The following RPS6KA2 variants were observed in gnomAD, a reference collection of about 807,000 sequenced individuals.
RPS6KA2 encodes the protein ribosomal protein S6 kinase alpha-2.
A neutral mutation model predicts 91.8 loss-of-function variants in RPS6KA2; 42 were observed. That is an observed-to-expected ratio of 0.46 (90% confidence interval 0.36 to 0.59). The LOEUF (loss-of-function observed/expected upper bound fraction) is 0.59. Ranked by LOEUF, RPS6KA2 falls within the 20% of genes least tolerant of loss-of-function variation. RPS6KA2 has a pLI of 0.00. For missense variants in RPS6KA2, 798 were observed against 978.5 expected (o/e 0.82, Z 2.46); for synonymous variants, 414 against 393.6 (o/e 1.05, Z -0.61).
At chr6:166,496,100 T>C (rs1487273844) in intron 8 of RPS6KA2, among the ~76,000 whole-genome samples, 2 of 152,206 alleles carry the variant, frequency 1.3e-5, no homozygotes, top group African/African-American at 4.8e-5. Context: ...CCTGCAACCC[T>C]AGCACTTCTG....
intron 2 of RPS6KA2, among the ~76,000 whole-genome samples, chr6:166,744,043 C>G (rs1182764262): frequency 1.3e-5 from 2 of 152,146 alleles, no homozygotes; most frequent in East Asian, 1.9e-4. Context: ...TGAGCCATCC[C>G]ACCCGTGTCT....
intron 1 of RPS6KA2, among the ~76,000 whole-genome samples, chr6:166,541,000 C>G (rs1407835050): frequency 1.3e-5 from 2 of 152,152 alleles, no homozygotes; most frequent in Non-Finnish European, 2.9e-5. Context: ...CAAAATACTC[C>G]TCTTCTGTTA....
At chr6:166,460,960 C>T (rs1018559249) in intron 11 of RPS6KA2, 1 of 152,226 alleles carries the variant, frequency 6.6e-6, no homozygotes, top group Non-Finnish European at 1.5e-5. Context: ...CGTCTGACAT[C>T]TGGGTCCCAC....
chr6:166,748,532 C>G (rs199984820), intron 2 of RPS6KA2, among the ~76,000 whole-genome samples: 5 of 147,560 alleles, frequency 3.4e-5, no homozygotes, highest in African/African-American at 1.3e-4. Flanking sequence ...CCCACCTCCT[C>G]GGGCCCCCCA....
intron 1 of RPS6KA2, chr6:166,586,439 C>G: frequency 6.3e-7 from 1 of 1,599,866 alleles, no homozygotes; most frequent in Non-Finnish European, 8.5e-7. Context: ...TAGCAAACAT[C>G]TCTTCAAAAT....
At chr6:166,560,354 C>A (rs75564524) in intron 1 of RPS6KA2, among the ~76,000 whole-genome samples, 2 of 152,178 alleles carry the variant, frequency 1.3e-5, no homozygotes, top group African/African-American at 4.8e-5. Context: ...TTAACAAGTA[C>A]CTTGCAATAC....
rs543308000 is a variant in RPS6KA2 at position 166,412,921 on chromosome 6, C to T, written c.2077-34G>A. 2.4e-5 allele frequency: 36 copies of T among 1,531,572 alleles called. No homozygotes were observed. The African/African-American group carries it at 4.5e-4, about 19-fold the overall frequency. The allele number at this position is 1,531,572 out of a possible 1,614,324, so 94.9% of individuals were successfully genotyped here. A position where few individuals can be genotyped will look rare whatever the true frequency, so the allele number is the denominator to read the frequency against. On this transcript the variant is annotated intron_variant, in intron 20 of 20. Coordinates refer to ENST00000265678, the MANE Select transcript of RPS6KA2 (RefSeq NM_021135.6). The surrounding 1 kb of genome is among the most constrained non-coding windows in gnomAD (Gnocchi z 4.3). The stretch of plus-strand genomic sequence containing the variant: ...CAGAAGACAAGGGTGAGAGCCGCGG[C>T]GCCTCACTCCAGGGGTTGAGCCGGA...
intron 2 of RPS6KA2, among the ~76,000 whole-genome samples, chr6:166,672,610 A>T (rs925177108): frequency 6.6e-6 from 1 of 152,224 alleles, no homozygotes; most frequent in African/African-American, 2.4e-5. Flanking sequence ...CAAAATAGTA[A>T]GAAAAAAATG....
At position 166,448,723 on chromosome 6, in the gene RPS6KA2, C is replaced by T; in HGVS notation, c.1332+1G>A. 6.2e-7 allele frequency: 1 copy of T among 1,609,914 alleles called. No homozygotes were observed. Among genetic ancestry groups the T allele is most frequent in the South Asian group, 1.1e-5 (1 of 90,404 alleles). On this transcript the variant is annotated splice_donor_variant, in intron 14 of 20. Coordinates refer to ENST00000265678, the MANE Select transcript of RPS6KA2 (RefSeq NM_021135.6). LOFTEE classifies it high-confidence loss of function. This position sits in a 1 kb window ranked among gnomAD's most constrained non-coding sequence, Gnocchi z 4.7. The stretch of plus-strand genomic sequence containing the variant: ...CTGCTCACTCAGCAGGCCTGCCTTA[C>T]CTTCACGGCATACTCGGTGTCTGTG...
Position 166,490,845 on chromosome 6 carries a change from T to C in RPS6KA2, c.748-104A>G. 1 of 800,892 alleles carries C rather than the reference T, an allele frequency of 1.2e-6. No individual in the cohort carries two copies. The highest frequency in any genetic ancestry group is 2.4e-5 in the Admixed American group (1 of 42,092). 49.6% of individuals were successfully genotyped at this position (800,892 alleles called of 1,614,324 possible). On this transcript the variant is annotated intron_variant, in intron 8 of 20. Coordinates refer to ENST00000265678, the MANE Select transcript of RPS6KA2 (RefSeq NM_021135.6). The surrounding 1 kb of genome is among the most constrained non-coding windows in gnomAD (Gnocchi z 4.2). ...GCCTGCTACCGTGTCCATTTCCTCATGCAAAATCTCCATCAGTCAATTGTA... is the reference window on the plus strand; with the variant it reads ...GCCTGCTACCGTGTCCATTTCCTCACGCAAAATCTCCATCAGTCAATTGTA...
intron 2 of RPS6KA2, among the ~76,000 whole-genome samples, chr6:166,804,674 T>A (rs901992564): frequency 1.3e-5 from 2 of 152,132 alleles, no homozygotes; most frequent in African/African-American, 4.8e-5. Flanking sequence ...ATATCTCTTA[T>A]TGTTTTGTCC....
At chr6:166,743,825 C>G (rs144679420) in intron 2 of RPS6KA2, among the ~76,000 whole-genome samples, 5,554 of 150,700 alleles carry the variant, frequency 0.037, 352 homozygotes, top group African/African-American at 0.13. Context: ...GGCTGGTGGT[C>G]AGTGCACGGC....
chr6:166,430,602 C>T lies in RPS6KA2; in HGVS notation c.1432G>A (p.Asp478Asn). 2 of 1,612,896 alleles carry T rather than the reference C, an allele frequency of 1.2e-6. No individual in the cohort carries two copies. The highest frequency in any genetic ancestry group is 2.2e-5 in the South Asian group (2 of 90,938). Residue 478 changes from aspartate (D) to asparagine (N), a missense_variant, in exon 16 of 21, where the codon GAT becomes AAT. Transcript: ENST00000265678. ...ATTACCAGGTACACAAACTTGCCAT[C>T]ATCATAGACCTGCGGAGTGGAGAAG... is the stretch of plus-strand genomic sequence containing the variant. ...NIITLKDVYDDGKFVYLVMEL... is the reference protein window; with the variant it reads ...NIITLKDVYDNGKFVYLVMEL...
chr6:166,673,786 G>A (rs1455629870), intron 2 of RPS6KA2, among the ~76,000 whole-genome samples: 1 of 152,180 alleles, frequency 6.6e-6, no homozygotes, highest in Non-Finnish European at 1.5e-5. Context: ...GTGTGGCCCA[G>A]AGAACCCAAA....
At chr6:166,831,615 C>A (rs1780184270) in intron 2 of RPS6KA2, among the ~76,000 whole-genome samples, 1 of 151,612 alleles carries the variant, frequency 6.6e-6, no homozygotes, top group African/African-American at 2.4e-5. Flanking sequence ...TATTTCCATG[C>A]CGCATTTGCC....
intron 2 of RPS6KA2, among the ~76,000 whole-genome samples, chr6:166,656,187 G>A (rs1010203716): frequency 6.6e-6 from 1 of 152,168 alleles, no homozygotes; most frequent in South Asian, 2.1e-4. Flanking sequence ...TTATTGCTTA[G>A]AAAATGCTAC....
At chr6:166,416,964 A>G (rs1266959278) in intron 19 of RPS6KA2, among the ~76,000 whole-genome samples, 1 of 152,240 alleles carries the variant, frequency 6.6e-6, no homozygotes, top group East Asian at 1.9e-4. Flanking sequence ...TGTCAACAGC[A>G]GAATTGGAAT....
chr6:166,458,602 T>C (rs1345529838), intron 12 of RPS6KA2, among the ~76,000 whole-genome samples: 1 of 152,194 alleles, frequency 6.6e-6, no homozygotes, highest in East Asian at 1.9e-4. Flanking sequence ...AGTGTCCTTA[T>C]AAGAAGACAG....
In RPS6KA2 at chr6:166,411,070, G is replaced by A. The variant is rs1334041573; in HGVS notation, c.*1692C>T. ...CACTATGGAAACAGGTATTCAGTCCGACTTGCTCCTTTTATGTTTTGTGGT... is the reference window on the plus strand; with the variant it reads ...CACTATGGAAACAGGTATTCAGTCCAACTTGCTCCTTTTATGTTTTGTGGT... On this transcript the variant is annotated 3_prime_UTR_variant, in exon 21 of 21. Coordinates refer to ENST00000265678, the MANE Select transcript of RPS6KA2 (RefSeq NM_021135.6). The surrounding 1 kb of genome is among the most constrained non-coding windows in gnomAD (Gnocchi z 4.5). 2 of 149,548 alleles carry A rather than the reference G, an allele frequency of 1.3e-5. No individual in the cohort carries two copies. Among genetic ancestry groups the A allele is most frequent in the Admixed American group, 6.8e-5 (1 of 14,808 alleles). The allele number at this position is 149,548 out of a possible 1,614,324, so 9.3% of individuals were successfully genotyped here.
Sources: allele counts gnomAD v4.1 joint callset (sites outside exome capture counted in the v4.1 genomes callset), GRCh38; gene constraint gnomAD v4.1.1; non-coding constraint Gnocchi (gnomAD v3.1); transcripts MANE v1.5; gene names NCBI Gene and HGNC (gene_info 2026-07-23, HGNC 2026-07-21).